Variants in P2RY8 observed in about 807,000 individuals in gnomAD.
P2RY8 encodes S-geranylgeranyl-glutathione receptor P2RY8.
In P2RY8, 6 loss-of-function variants were observed where a neutral mutation model predicts 10.0. The ratio of observed to expected loss-of-function variants is 0.60; its 90% confidence interval spans 0.33 to 1.19. The LOEUF is 1.19. Ranked by LOEUF, P2RY8 falls within the 50% of genes most tolerant of loss-of-function variation. P2RY8 has a pLI of 0.04. For synonymous variants in P2RY8, 276 were observed against 252.5 expected (o/e 1.09, Z -0.88); for missense variants, 456 against 542.0 (o/e 0.84, Z 1.58).
chrX:1,519,406 C>T (rs1210222448), intron 1 of P2RY8, among the ~76,000 whole-genome samples: 1 of 151,806 alleles, frequency 6.6e-6, no homozygotes, highest in Non-Finnish European at 1.5e-5. Flanking sequence ...CCCCAATAAT[C>T]TCCCTGCTCC....
chrX:1,472,856 T>G (rs1266681139), intron 1 of P2RY8, among the ~76,000 whole-genome samples: 4 of 145,670 alleles, frequency 2.7e-5, no homozygotes, highest in South Asian at 4.4e-4. Flanking sequence ...GGTGGATGGA[T>G]GAGTGGCTAG....
At chrX:1,496,984 C>T (rs1220163602) in intron 1 of P2RY8, among the ~76,000 whole-genome samples, 1 of 149,408 alleles carries the variant, frequency 6.7e-6, no homozygotes, top group East Asian at 2.0e-4. Context: ...TTTGGGAGGC[C>T]GAGGCGGGTG....
intron 1 of P2RY8, among the ~76,000 whole-genome samples, chrX:1,511,395 C>T (rs1400324739): frequency 6.6e-6 from 1 of 152,208 alleles, no homozygotes; most frequent in Non-Finnish European, 1.5e-5. Context: ...TCTCATTCAA[C>T]ATAAATTCCC....
Position 1,486,384 on chromosome X carries a change from A to G in P2RY8, c.-24-19802T>C, listed in dbSNP as rs192254946. On this transcript the variant is annotated intron_variant, in intron 1 of 1. Coordinates refer to ENST00000381297, the MANE Select transcript of P2RY8 (RefSeq NM_178129.5). ...GCACACAGTGGAATAGTATACAGCCATGAAAAGGAAGAAGGCTGTGACCGA... is the reference window on the plus strand; with the variant it reads ...GCACACAGTGGAATAGTATACAGCCGTGAAAAGGAAGAAGGCTGTGACCGA... 3.9e-3 allele frequency among the ~76,000 whole-genome samples: 591 copies of G among 152,092 alleles called. 6 individuals carry two copies. The highest frequency in any genetic ancestry group is 0.014 in the African/African-American group (572 of 41,480).
chrX:1,469,664 G>A (rs2149374913), intron 1 of P2RY8, among the ~76,000 whole-genome samples: 1 of 152,010 alleles, frequency 6.6e-6, no homozygotes, highest in South Asian at 2.1e-4. Context: ...GGCCGAGGTG[G>A]GCAGATCACG....
chrX:1,496,130 T>C (rs1325512634), intron 1 of P2RY8, among the ~76,000 whole-genome samples: 53 of 152,108 alleles, frequency 3.5e-4, no homozygotes, highest in Admixed American at 2.4e-3. Context: ...TCTGAAGCAG[T>C]TGGGAGAAGG....
At position 1,463,924 on chromosome X, in the gene P2RY8, G is replaced by A. The variant is rs1390285527; in HGVS notation, c.*1555C>T. On this transcript the variant is annotated 3_prime_UTR_variant, in exon 2 of 2. Transcript: ENST00000381297. The stretch of plus-strand genomic sequence containing the variant: ...TACTTAATTACATTTGGAAAGACCC[G>A]ATTTTCAAACATGGTCCCATCCTGA... 4 of 233,208 alleles carry A rather than the reference G, an allele frequency of 1.7e-5. No homozygotes were observed. The highest frequency in any genetic ancestry group is 1.8e-4 in the South Asian group (1 of 5,530). 14.4% of individuals were successfully genotyped at this position (233,208 alleles called of 1,614,324 possible).
chrX:1,515,034 G>A (rs1306267758), intron 1 of P2RY8, among the ~76,000 whole-genome samples: 1 of 149,812 alleles, frequency 6.7e-6, no homozygotes, highest in Non-Finnish European at 1.5e-5. Flanking sequence ...CTCCCGAGTA[G>A]AGTAGCTGGG....
chrX:1,464,279 C>A lies in P2RY8; in HGVS notation c.*1200G>T, dbSNP rs1250221273. 1.3e-5 allele frequency: 3 copies of A among 233,276 alleles called. No homozygotes were observed. Among genetic ancestry groups the A allele is most frequent in the Non-Finnish European group, 2.5e-5 (3 of 118,112 alleles). 14.5% of individuals were successfully genotyped at this position (233,276 alleles called of 1,614,324 possible). ...AGAGCTCTTCTTTGCGCTAAACCAG[C>A]TCAGGTGTTGGGGCTGGTGCAGGCA... On this transcript the variant is annotated 3_prime_UTR_variant, in exon 2 of 2. Transcript: ENST00000381297.
At chrX:1,497,316 G>C (rs1477931804) in intron 1 of P2RY8, among the ~76,000 whole-genome samples, 7 of 151,060 alleles carry the variant, frequency 4.6e-5, no homozygotes, top group Admixed American at 3.3e-4. Context: ...ATGTTAATTA[G>C]GGTTTTCTCT....
chrX:1,535,184 C>CTT (rs539683722), intron 1 of P2RY8, among the ~76,000 whole-genome samples: 13,222 of 80,368 alleles, frequency 0.16, 2,266 homozygotes, highest in East Asian at 0.51. Context: ...GGGATAATTC[C>CTT]TTTTTTTTTT....
chrX:1,497,346 G>A (rs1321564529), intron 1 of P2RY8, among the ~76,000 whole-genome samples: 1 of 149,306 alleles, frequency 6.7e-6, no homozygotes, highest in Non-Finnish European at 1.5e-5. Context: ...TCAAGACAAG[G>A]TCTCACTCTG....
At chrX:1,512,280 C>T (rs1239400151) in intron 1 of P2RY8, among the ~76,000 whole-genome samples, 1 of 152,128 alleles carries the variant, frequency 6.6e-6, no homozygotes, top group Non-Finnish European at 1.5e-5. Context: ...GGCGCAGTGG[C>T]TCAAGCCTGT....
chrX:1,488,022 A>G lies in P2RY8; in HGVS notation c.-24-21440T>C, dbSNP rs181664125. On this transcript the variant is annotated intron_variant, in intron 1 of 1. Coordinates refer to ENST00000381297, the MANE Select transcript of P2RY8 (RefSeq NM_178129.5). ...CAACTTGGGAGGCTGAGGCATGAGA[A>G]TCGCTTGAACCTGGGAGGTGGAGGT... 1.3e-3 allele frequency among the ~76,000 whole-genome samples: 202 copies of G among 152,182 alleles called. 3 individuals carry two copies. The highest frequency in any genetic ancestry group is 8.8e-5 in the Non-Finnish European group (6 of 68,000).
In P2RY8 at chrX:1,466,055, G is replaced by T. The variant is rs1307041757; in HGVS notation, c.504C>A (p.His168Gln). 1 of 1,611,792 alleles carries T rather than the reference G, an allele frequency of 6.2e-7. No individual in the cohort carries two copies. Among genetic ancestry groups the T allele is most frequent in the Admixed American group, 1.7e-5 (1 of 60,014 alleles). The change falls in exon 2 of 2, where the codon CAC (histidine) becomes CAA (glutamine). Residue 168 changes from histidine (H) to glutamine (Q), a missense_variant. By Grantham distance (24) the His-to-Gln change is conservative. Coordinates refer to ENST00000381297, the MANE Select transcript of P2RY8 (RefSeq NM_178129.5). ...LARTDLTYPV[H>Q]ALGIITCFDV... is the part of the protein sequence containing the mutation. ...CGAAGCAGGTGATGATGCCCAGGGCGTGCACCGGGTAGGTGAGATCGGTGC... is the reference window on the plus strand; with the variant it reads ...CGAAGCAGGTGATGATGCCCAGGGCTTGCACCGGGTAGGTGAGATCGGTGC...
Position 1,534,101 on chromosome X carries a change from TATATA to T in P2RY8, c.-25+2815_-25+2819del, listed in dbSNP as rs1438743411. On this transcript the variant is annotated intron_variant, in intron 1 of 1. Transcript: ENST00000381297. ...TATAATATATTTACATATATATTTA[TATATA>T]ATATATTTACATATATTATATATTT... 1.3e-3 allele frequency among the ~76,000 whole-genome samples: 177 copies of T among 132,798 alleles called. 2 individuals are homozygous for T. The highest frequency in any genetic ancestry group is 7.7e-3 in the Middle Eastern group (2 of 260). 87.1% of individuals were successfully genotyped at this position (132,798 alleles called of 152,430 possible).
In P2RY8 at chrX:1,465,228, G is replaced by A. The variant is rs1457694997; in HGVS notation, c.*251C>T. 7.0e-6 allele frequency: 4 copies of A among 574,046 alleles called. No homozygotes were observed. The South Asian group carries it at 7.9e-5, about 11-fold the overall frequency. The allele number at this position is 574,046 out of a possible 1,614,324, so 35.6% of individuals were successfully genotyped here. On this transcript the variant is annotated 3_prime_UTR_variant, in exon 2 of 2. Coordinates refer to ENST00000381297, the MANE Select transcript of P2RY8 (RefSeq NM_178129.5). ...AGAGAGGCAGAGGCACCCTCTGCAG[G>A]ATAACAAGCACCCTGTGCGCTGCTG...
At chrX:1,508,853 T>TCATCCATCCATC (rs751802821) in intron 1 of P2RY8, among the ~76,000 whole-genome samples, 7 of 143,216 alleles carry the variant, frequency 4.9e-5, no homozygotes, top group African/African-American at 2.6e-5. Context: ...ATCCATCCAT[T>TCATCCATCCATC]CATCCATCCA....
At chrX:1,475,263 A>T (rs1267077962) in intron 1 of P2RY8, among the ~76,000 whole-genome samples, 4 of 141,754 alleles carry the variant, frequency 2.8e-5, no homozygotes, top group Non-Finnish European at 6.2e-5. Flanking sequence ...GGATGGGTGG[A>T]TGGATGGATG....
Sources: gnomAD v4.1 joint callset for allele counts (sites outside exome capture counted in the v4.1 genomes callset) on GRCh38, gnomAD v4.1.1 for gene constraint, MANE v1.5 for transcripts, NCBI Gene and HGNC (gene_info 2026-07-23, HGNC 2026-07-21) for gene names.